Variants in HIPK3 observed in about 807,000 individuals in gnomAD.
HIPK3 encodes the protein homeodomain-interacting protein kinase 3.
HIPK3 carries 47 observed loss-of-function variants against 124.2 expected under a neutral mutation model. The observed-to-expected ratio is 0.38, with a 90% CI of 0.30 to 0.48. HIPK3 has a LOEUF of 0.48. Ranked by LOEUF, HIPK3 falls within the 20% of genes least tolerant of loss-of-function variation. The probability of loss-of-function intolerance (pLI) is 0.98; values close to 1 mark genes in which losing one functional copy is unlikely to be tolerated. For missense variants in HIPK3, 1,286 were observed against 1,454.3 expected, an observed-to-expected ratio of 0.88 and a Z score of 1.88; for synonymous variants, 482 against 515.2, an observed-to-expected ratio of 0.94 and a Z score of 0.87.
chr11:33,257,999 C>T (rs1850712790), intron 1 of HIPK3, 110 bp downstream of exon 1: 3 of 889,466 alleles, frequency 3.4e-6, no homozygotes, highest in Non-Finnish European at 4.0e-6. Flanking sequence ...GGCCCGACAC[C>T]TCCGGCGCAG....
chr11:33,296,959 A>G (rs1160843206), intron 2 of HIPK3, among the ~76,000 whole-genome samples: 1 of 152,246 alleles, frequency 6.6e-6, no homozygotes, highest in Non-Finnish European at 1.5e-5. Flanking sequence ...GGCAGGCTGA[A>G]AGCTAGGCCT....
chr11:33,323,599 A>G (rs144619973), intron 2 of HIPK3, among the ~76,000 whole-genome samples: 6 of 152,308 alleles, frequency 3.9e-5, no homozygotes, highest in African/African-American at 1.4e-4. Flanking sequence ...CAGAAAGTGG[A>G]TTTGTGGTGG....
chr11:33,271,915 C>T (rs1317169740), intron 1 of HIPK3, among the ~76,000 whole-genome samples: 1 of 151,776 alleles, frequency 6.6e-6, no homozygotes. Context: ...TTTACACTAA[C>T]ATAAAGAAAA....
intron 2 of HIPK3, among the ~76,000 whole-genome samples, chr11:33,308,994 G>A (rs1007876691): frequency 2.2e-4 from 34 of 151,894 alleles, no homozygotes; most frequent in African/African-American, 8.2e-4. Flanking sequence ...AAATAAAAAG[G>A]ATGGATTTGT....
At chr11:33,335,747 G>C (rs982397340) in intron 3 of HIPK3, 4 of 152,098 alleles carry the variant, frequency 2.6e-5, no homozygotes, top group Non-Finnish European at 5.9e-5. Flanking sequence ...TGGACTAATT[G>C]ATGGAGCAGA....
At chr11:33,350,072 C>G (rs1853611816) in intron 14 of HIPK3, among the ~76,000 whole-genome samples, 1 of 152,190 alleles carries the variant, frequency 6.6e-6, no homozygotes. Flanking sequence ...GCCAAATAAT[C>G]TATTTTTGAA....
intron 2 of HIPK3, among the ~76,000 whole-genome samples, chr11:33,307,185 C>T (rs1045326615): frequency 2.0e-5 from 3 of 152,098 alleles, no homozygotes; most frequent in African/African-American, 4.8e-5. Context: ...GTGATCTGCC[C>T]GCCTCAGCCT....
At chr11:33,275,006 A>G (rs939924136) in intron 1 of HIPK3, among the ~76,000 whole-genome samples, 2 of 152,094 alleles carry the variant, frequency 1.3e-5, no homozygotes, top group East Asian at 1.9e-4. Flanking sequence ...AAGTTTTACA[A>G]TGTATGGTGG....
chr11:33,337,964 G>A (rs952944654), intron 4 of HIPK3, among the ~76,000 whole-genome samples: 1 of 152,092 alleles, frequency 6.6e-6, no homozygotes, highest in Non-Finnish European at 1.5e-5. Flanking sequence ...GAGCCACTGT[G>A]CCCAGCCCCC....
chr11:33,257,465 C>A lies in HIPK3; in HGVS notation c.-427C>A. On this transcript the variant is annotated 5_prime_UTR_variant, in exon 1 of 17. Transcript: ENST00000303296. ...CAGGCCCCGCCGTCGCCACCACTCC[C>A]GCCAGTCTTCCTTCTCCGCTCCCGG... 1 of 985,816 alleles carries A rather than the reference C, an allele frequency of 1.0e-6. No individual in the cohort carries two copies. Among genetic ancestry groups the A allele is most frequent in the Non-Finnish European group, 1.2e-6 (1 of 830,322 alleles). 61.1% of individuals were successfully genotyped at this position (985,816 alleles called of 1,614,324 possible). A position where few individuals can be genotyped will look rare whatever the true frequency, so the allele number is the denominator to read the frequency against.
intron 2 of HIPK3, among the ~76,000 whole-genome samples, chr11:33,320,844 A>G (rs753096662): frequency 4.6e-5 from 7 of 152,180 alleles, no homozygotes; most frequent in Non-Finnish European, 8.8e-5. Flanking sequence ...ATGCCTAATA[A>G]ACATTCAAAA....
chr11:33,287,213 C>T lies in HIPK3; in HGVS notation c.799C>T (p.His267Tyr), dbSNP rs1851580910. ...TGTACGAGCTTATGAATGCTTTCAG[C>T]ACCGTAACCATACTTGTTTAGTCTT... Reference protein sequence around the residue: ...NFVRAYECFQHRNHTCLVFEM... With the variant: ...NFVRAYECFQYRNHTCLVFEM... The change falls in exon 2 of 17, where the codon CAC becomes TAC. Residue 267 changes from histidine to tyrosine, a missense_variant. Physicochemically the swap from His to Tyr is moderately conservative, Grantham distance 83. Around this residue, in one of 3 missense-constraint regions of HIPK3, gnomAD observed 251 missense variants for 349.1 expected, o/e 0.72. Transcript: ENST00000303296. 2 of 1,614,124 alleles carry T rather than the reference C, an allele frequency of 1.2e-6. No individual in the cohort carries two copies. Among genetic ancestry groups the T allele is most frequent in the Non-Finnish European group, 8.5e-7 (1 of 1,179,994 alleles).
chr11:33,284,473 A>C (rs570572566), intron 1 of HIPK3, among the ~76,000 whole-genome samples: 1 of 152,276 alleles, frequency 6.6e-6, no homozygotes, highest in African/African-American at 2.4e-5. Context: ...TTTGATTGAA[A>C]TCTGAAAGAG....
At chr11:33,323,743 A>C (rs951158431) in intron 2 of HIPK3, among the ~76,000 whole-genome samples, 3 of 152,224 alleles carry the variant, frequency 2.0e-5, no homozygotes, top group Non-Finnish European at 2.9e-5. Context: ...AGGATTGATA[A>C]ATTCAACTAA....
rs773440351 is a variant in HIPK3 at position 33,351,677 on chromosome 11, G to A, written c.2877G>A (p.Gly959=). 2 of 1,614,160 alleles carry A rather than the reference G, an allele frequency of 1.2e-6. No individual in the cohort carries two copies. Among genetic ancestry groups the A allele is most frequent in the Admixed American group, 1.7e-5 (1 of 60,018 alleles). ...VDGSPTSDSS[G]HDSPFAESTF... ...GCTCTCCGACATCTGACTCTTCCGGGCATGACAGTCCATTTGCAGAGAGCA... is the reference window on the plus strand; with the variant it reads ...GCTCTCCGACATCTGACTCTTCCGGACATGACAGTCCATTTGCAGAGAGCA... The change falls in exon 15 of 17, where the codon GGG becomes GGA. Residue 959 remains glycine, a synonymous_variant. Transcript: ENST00000303296.
At chr11:33,332,818 A>C (rs575960800) in intron 3 of HIPK3, among the ~76,000 whole-genome samples, 4 of 152,342 alleles carry the variant, frequency 2.6e-5, no homozygotes, top group Admixed American at 2.0e-4. Context: ...TGAGTAATTT[A>C]TAAAGAAAAG....
intron 1 of HIPK3, among the ~76,000 whole-genome samples, chr11:33,262,434 C>T (rs996949241): frequency 1.3e-5 from 2 of 152,198 alleles, no homozygotes; most frequent in Admixed American, 6.5e-5. Context: ...TCAGTTGATA[C>T]TTGGAACATA....
intron 1 of HIPK3, among the ~76,000 whole-genome samples, chr11:33,283,399 C>T (rs980476861): frequency 1.3e-5 from 2 of 152,002 alleles, no homozygotes; most frequent in East Asian, 1.9e-4. Flanking sequence ...CGTGACCCAC[C>T]GCGCCCAGCG....
Position 33,286,546 on chromosome 11 carries a change from T to C in HIPK3, c.132T>C (p.Tyr44=), listed in dbSNP as rs762586875. ...VFQERNYPRT[Y]VNGRNFGNSH... is the part of the protein sequence containing the mutation. ...AGGAAAGAAACTATCCACGGACCTA[T>C]GTGAATGGTAGAAACTTTGGAAATT... Residue 44 remains tyrosine, a synonymous_variant, in exon 2 of 17, where the codon TAT becomes TAC. Coordinates refer to ENST00000303296, the MANE Select transcript of HIPK3 (RefSeq NM_005734.5). 2 of 1,613,976 alleles carry C rather than the reference T, an allele frequency of 1.2e-6. No homozygotes were observed. Among genetic ancestry groups the C allele is most frequent in the Admixed American group, 1.7e-5 (1 of 59,984 alleles).
Sources: allele counts gnomAD v4.1 joint callset (sites outside exome capture counted in the v4.1 genomes callset), GRCh38; gene constraint gnomAD v4.1.1; regional missense constraint gnomAD v4.1.1; transcripts MANE v1.5; gene names NCBI Gene and HGNC (gene_info 2026-07-23, HGNC 2026-07-21).